The following PDE1B variants were observed in gnomAD, a reference collection of about 807,000 sequenced individuals.
The protein encoded by PDE1B is phosphodiesterase 1B, also known as dual specificity calcium/calmodulin-dependent 3',5'-cyclic nucleotide phosphodiesterase 1B.
A neutral mutation model predicts 66.7 loss-of-function variants in PDE1B; 13 were observed. The observed-to-expected ratio is 0.19, with a 90% CI of 0.13 to 0.31. The LOEUF is 0.31. Ranked by LOEUF, PDE1B falls within the 10% of genes least tolerant of loss-of-function variation. PDE1B has a pLI of 1.00. For synonymous variants in PDE1B, 230 were observed against 253.9 expected (o/e 0.91, Z 0.90); for missense variants, 485 against 682.3 (o/e 0.71, Z 3.22).
At chr12:54,567,528 TAAAA>T (rs368768683) in intron 3 of PDE1B, among the ~76,000 whole-genome samples, 20,924 of 113,462 alleles carry the variant, frequency 0.18, 1,628 homozygotes, top group African/African-American at 0.24. Flanking sequence ...AATAAATAAA[TAAAA>T]AAAATAAAAA....
chr12:54,574,980 A>AC, intron 10 of PDE1B, 118 bp from the exon 11 acceptor site: 4 of 840,638 alleles, frequency 4.8e-6, no homozygotes, highest in Non-Finnish European at 7.0e-6. Context: ...GTCTCAAAAA[A>AC]AAAAAAAAAA....
At position 54,573,427 on chromosome 12, in the gene PDE1B, G is replaced by A; in HGVS notation, c.909G>A (p.Leu303=). 1.9e-6 allele frequency: 3 copies of A among 1,614,088 alleles called. No homozygotes were observed. The highest frequency in any genetic ancestry group is 2.5e-6 in the Non-Finnish European group (3 of 1,179,954). ...ENHHISSVFR[L]MQDDEMNIFI... is the part of the protein sequence containing the mutation. The stretch of plus-strand genomic sequence containing the variant: ...ACCACATCAGCTCTGTTTTCCGATT[G>A]ATGCAGGATGATGAGATGAACATTT... Residue 303 remains leucine, a synonymous_variant, in exon 9 of 16, where the codon TTG becomes TTA. Coordinates refer to ENST00000243052, the MANE Select transcript of PDE1B (RefSeq NM_000924.4). The surrounding 1 kb of genome is among the most constrained non-coding windows in gnomAD (Gnocchi z 5.2).
intron 2 of PDE1B, among the ~76,000 whole-genome samples, chr12:54,558,112 G>A (rs946437081): frequency 3.3e-5 from 5 of 152,074 alleles, no homozygotes; most frequent in East Asian, 1.9e-4. Context: ...TGTTAGAAAC[G>A]GCTTCTGGTC....
At chr12:54,556,756 C>T (rs76565529) in intron 2 of PDE1B, among the ~76,000 whole-genome samples, 81 of 152,160 alleles carry the variant, frequency 5.3e-4, no homozygotes, top group African/African-American at 1.9e-3. Context: ...GTTGATTCCA[C>T]AGCTGCAGTG....
At chr12:54,550,884 A>T (rs1037767549) in intron 2 of PDE1B, among the ~76,000 whole-genome samples, 2 of 152,172 alleles carry the variant, frequency 1.3e-5, no homozygotes, top group African/African-American at 4.8e-5. Context: ...AAAAAAGAGG[A>T]TTGGGTCAAA....
chr12:54,570,407 C>A, intron 6 of PDE1B, 50 bp downstream of exon 6: 1 of 1,007,850 alleles, frequency 9.9e-7, no homozygotes, highest in South Asian at 1.3e-5. Flanking sequence ...CCACTCCTCT[C>A]ATGCCTGTTC....
At chr12:54,553,588 T>C (rs1189684311) in intron 2 of PDE1B, among the ~76,000 whole-genome samples, 1 of 152,210 alleles carries the variant, frequency 6.6e-6, no homozygotes, top group Non-Finnish European at 1.5e-5. Flanking sequence ...AATAAAGGAA[T>C]GAACAAATGA....
intron 2 of PDE1B, among the ~76,000 whole-genome samples, chr12:54,559,074 T>C (rs912354042): frequency 2.6e-5 from 4 of 152,230 alleles, no homozygotes; most frequent in African/African-American, 9.6e-5. Flanking sequence ...TTTTTTCTTT[T>C]CAACTGAGCT....
Position 54,569,011 on chromosome 12 carries a change from A to G in PDE1B, c.228-173A>G. On this transcript the variant is annotated intron_variant, in intron 3 of 15. Transcript: ENST00000243052. This position sits in a 1 kb window ranked among gnomAD's most constrained non-coding sequence, Gnocchi z 4.4. ...ACCTCACATGGAGACCTGTTTCATT[A>G]TTGGAGATGTTAGATAAAGAAATAA... The G allele has an allele frequency of 2.7e-6, 3 of 1,108,584 alleles. No individual in the cohort carries two copies. Among genetic ancestry groups the G allele is most frequent in the Non-Finnish European group, 3.7e-6 (3 of 821,652 alleles). 68.7% of individuals were successfully genotyped at this position (1,108,584 alleles called of 1,614,324 possible).
chr12:54,552,699 G>T (rs77406490), intron 2 of PDE1B, among the ~76,000 whole-genome samples: 2 of 152,146 alleles, frequency 1.3e-5, no homozygotes, highest in Non-Finnish European at 2.9e-5. Context: ...TCTCTTAACT[G>T]TGTGATTTTA....
At chr12:54,564,349 A>G (rs1382903562) in intron 2 of PDE1B, among the ~76,000 whole-genome samples, 1 of 149,540 alleles carries the variant, frequency 6.7e-6, no homozygotes, top group Non-Finnish European at 1.5e-5. Context: ...AAAAAAAAGC[A>G]GGCCGGGTGC....
intron 2 of PDE1B, among the ~76,000 whole-genome samples, chr12:54,560,391 C>T (rs1474378243): frequency 6.6e-6 from 1 of 152,182 alleles, no homozygotes; most frequent in Non-Finnish European, 1.5e-5. Flanking sequence ...CATACTCAAC[C>T]CCATTAGTTC....
rs768660533 is a variant in PDE1B at position 54,573,531 on chromosome 12, C to G, written c.962+51C>G. The G allele has an allele frequency of 6.2e-7, 1 of 1,613,170 alleles. No homozygotes were observed. The highest frequency in any genetic ancestry group is 1.1e-5 in the South Asian group (1 of 91,072). ...CCCTAAGAGACTCCCTTACCACAAA[C>G]TCCATTTTCCACTTCCTGGACCTCC... is the stretch of plus-strand genomic sequence containing the variant. On this transcript the variant is annotated intron_variant, in intron 9 of 15. Transcript: ENST00000243052. The surrounding 1 kb of genome is among the most constrained non-coding windows in gnomAD (Gnocchi z 5.2).
At chr12:54,567,642 G>T (rs2121109194) in intron 3 of PDE1B, among the ~76,000 whole-genome samples, 1 of 152,108 alleles carries the variant, frequency 6.6e-6, no homozygotes, top group African/African-American at 2.4e-5. Context: ...TATCAAGAAG[G>T]ACAGAAGACT....
At chr12:54,576,287 A>G (rs541941999) in intron 13 of PDE1B, 187 bp downstream of exon 13, 7 of 606,724 alleles carry the variant, frequency 1.2e-5, no homozygotes, top group African/African-American at 7.4e-5. Flanking sequence ...ACCTGTACCT[A>G]TGCTCCCCTT....
At chr12:54,558,224 C>T (rs1240563778) in intron 2 of PDE1B, among the ~76,000 whole-genome samples, 1 of 152,128 alleles carries the variant, frequency 6.6e-6, no homozygotes, top group Non-Finnish European at 1.5e-5. Context: ...CCTTTCCTTT[C>T]CTCCCTGCCC....
chr12:54,558,396 T>C (rs1957367065), intron 2 of PDE1B, among the ~76,000 whole-genome samples: 1 of 144,290 alleles, frequency 6.9e-6, no homozygotes, highest in Admixed American at 6.9e-5. Flanking sequence ...CTCTCACCAC[T>C]GCTGCCATGT....
intron 2 of PDE1B, among the ~76,000 whole-genome samples, chr12:54,553,722 AGAT>A (rs1957308939): frequency 6.6e-6 from 1 of 151,708 alleles, no homozygotes; most frequent in African/African-American, 2.4e-5. Flanking sequence ...GAGGAAAGGG[AGAT>A]GATGATGATG....
At chr12:54,554,524 G>T (rs931491210) in intron 2 of PDE1B, 6 of 152,168 alleles carry the variant, frequency 3.9e-5, no homozygotes, top group South Asian at 2.1e-4. Context: ...CATCAGCTTT[G>T]TCTTGAATGA....
Sources: gnomAD v4.1 joint callset for allele counts (sites outside exome capture counted in the v4.1 genomes callset) on GRCh38, gnomAD v4.1.1 for gene constraint, Gnocchi (gnomAD v3.1) non-coding constraint, MANE v1.5 for transcripts, NCBI Gene and HGNC (gene_info 2026-07-23, HGNC 2026-07-21) for gene names.